The following CARMIL1 variants were observed in gnomAD, a reference collection of about 807,000 sequenced individuals.
CARMIL1 encodes the protein F-actin-uncapping protein LRRC16A.
Under a neutral mutation model 177.1 loss-of-function variants are expected in CARMIL1, and 90 were observed. The ratio of observed to expected loss-of-function variants is 0.51; its 90% CI spans 0.43 to 0.61. The LOEUF is 0.61. CARMIL1 is among the 20% of genes least tolerant of loss of function. The probability of loss-of-function intolerance (pLI) is 0.00; values close to 1 mark genes in which losing one functional copy is unlikely to be tolerated. For synonymous variants in CARMIL1, 577 were observed against 606.2 expected, an observed-to-expected ratio of 0.95 and a Z score of 0.71; for missense variants, 1,380 against 1,667.0, an observed-to-expected ratio of 0.83 and a Z score of 3.00.
chr6:25,520,127 T>C lies in CARMIL1; in HGVS notation c.1875-117T>C, dbSNP rs115842311. 1.3e-3 allele frequency: 734 copies of C among 559,168 alleles called. 6 individuals carry two copies. The highest frequency in any genetic ancestry group is 9.8e-3 in the African/African-American group (524 of 53,566). The allele number at this position is 559,168 out of a possible 1,614,324, so 34.6% of individuals were successfully genotyped here. A position where few individuals can be genotyped will look rare whatever the true frequency, so the allele number is the denominator to read the frequency against. ...CTAGGGGCCTAAATGGTCTGGTGGTTTGGAATTTTCTAAGCTACTCTTGCA... is the reference window on the plus strand; with the variant it reads ...CTAGGGGCCTAAATGGTCTGGTGGTCTGGAATTTTCTAAGCTACTCTTGCA... On this transcript the variant is annotated intron_variant, in intron 22 of 36. Coordinates refer to ENST00000329474, the MANE Select transcript of CARMIL1 (RefSeq NM_017640.6).
intron 4 of CARMIL1, among the ~76,000 whole-genome samples, chr6:25,434,405 G>A (rs1421312001): frequency 6.6e-6 from 1 of 151,704 alleles, no homozygotes; most frequent in Non-Finnish European, 1.5e-5. Context: ...GACATCTCCA[G>A]CAATTAATTA....
chr6:25,582,242 TC>T (rs1386731701), intron 31 of CARMIL1, among the ~76,000 whole-genome samples: 1 of 152,196 alleles, frequency 6.6e-6, no homozygotes, highest in African/African-American at 2.4e-5. Flanking sequence ...TTTCAGCAGT[TC>T]CTTGACACAG....
chr6:25,519,295 A>G (rs1306327812), intron 22 of CARMIL1, among the ~76,000 whole-genome samples: 2 of 152,204 alleles, frequency 1.3e-5, no homozygotes, highest in African/African-American at 4.8e-5. Context: ...CCGAGGTGAA[A>G]TTGAGCTCTT....
In CARMIL1 at chr6:25,613,678, T is replaced by A. The variant is rs1964805; in HGVS notation, c.3979+3497T>A. On this transcript the variant is annotated intron_variant, in intron 36 of 36. Transcript: ENST00000329474. The stretch of plus-strand genomic sequence containing the variant: ...ACTCATCTCTTCCCTGGTTAATATA[T>A]TAACTTCTTATAAACATGACTTCAA... 8.9e-3 allele frequency among the ~76,000 whole-genome samples: 1,349 copies of A among 152,354 alleles called. 15 individuals are homozygous for A. Among genetic ancestry groups the A allele is most frequent in the African/African-American group, 0.029 (1,219 of 41,572 alleles).
At chr6:25,535,179 T>C (rs553303234) in intron 24 of CARMIL1, among the ~76,000 whole-genome samples, 1 of 152,256 alleles carries the variant, frequency 6.6e-6, no homozygotes, top group Admixed American at 6.5e-5. Flanking sequence ...CAGTCCACTC[T>C]TAGTTACAAT....
At chr6:25,551,187 G>A in intron 27 of CARMIL1, 102 bp downstream of exon 27, 1 of 590,054 alleles carries the variant, frequency 1.7e-6, no homozygotes, top group Admixed American at 3.3e-5. Flanking sequence ...TATATAATGT[G>A]TTTAGGCATG....
chr6:25,280,466 G>A (rs1474344463), intron 1 of CARMIL1, among the ~76,000 whole-genome samples: 1 of 152,138 alleles, frequency 6.6e-6, no homozygotes, highest in Non-Finnish European at 1.5e-5. Flanking sequence ...GAAATAGAGG[G>A]TTAATGATAA....
At chr6:25,341,130 T>C (rs1163394464) in intron 2 of CARMIL1, among the ~76,000 whole-genome samples, 1 of 149,608 alleles carries the variant, frequency 6.7e-6, no homozygotes, top group Non-Finnish European at 1.5e-5. Flanking sequence ...AAGTAGATGG[T>C]ATTATTATTG....
At chr6:25,287,748 A>G (rs1442026654) in intron 2 of CARMIL1, among the ~76,000 whole-genome samples, 1 of 152,196 alleles carries the variant, frequency 6.6e-6, no homozygotes, top group Non-Finnish European at 1.5e-5. Context: ...TGGGATTCGA[A>G]CCCAGCTCTG....
chr6:25,570,019 G>A (rs1811928469), intron 29 of CARMIL1, among the ~76,000 whole-genome samples: 1 of 151,864 alleles, frequency 6.6e-6, no homozygotes, highest in East Asian at 1.9e-4. Context: ...TGTGGCCCAG[G>A]CTGGAGTGCA....
intron 2 of CARMIL1, among the ~76,000 whole-genome samples, chr6:25,309,518 T>C (rs540110272): frequency 6.6e-6 from 1 of 151,816 alleles, no homozygotes. Flanking sequence ...CCTCTTCCCT[T>C]TAACACTTAT....
intron 31 of CARMIL1, among the ~76,000 whole-genome samples, chr6:25,586,115 C>G (rs570544914): frequency 1.3e-5 from 2 of 149,814 alleles, no homozygotes; most frequent in Non-Finnish European, 3.0e-5. Flanking sequence ...ATCTCCCTAA[C>G]GGGACGGCTG....
intron 2 of CARMIL1, among the ~76,000 whole-genome samples, chr6:25,339,283 A>C (rs1786649094): frequency 1.3e-5 from 2 of 152,238 alleles, no homozygotes; most frequent in South Asian, 4.1e-4. Flanking sequence ...GACATTGCAG[A>C]TAACTAGTTG....
intron 4 of CARMIL1, among the ~76,000 whole-genome samples, chr6:25,434,001 G>C (rs1000086075): frequency 6.6e-6 from 1 of 152,128 alleles, no homozygotes; most frequent in African/African-American, 2.4e-5. Context: ...GATAAAGTAA[G>C]AACAGGAAGT....
chr6:25,560,587 G>A (rs925065835), intron 29 of CARMIL1, among the ~76,000 whole-genome samples: 1 of 152,128 alleles, frequency 6.6e-6, no homozygotes, highest in Non-Finnish European at 1.5e-5. Context: ...AATACCTTCT[G>A]TTTAACAAAT....
At chr6:25,304,714 A>G (rs1156484351) in intron 2 of CARMIL1, among the ~76,000 whole-genome samples, 1 of 152,210 alleles carries the variant, frequency 6.6e-6, no homozygotes, top group African/African-American at 2.4e-5. Flanking sequence ...CCTGCTATAG[A>G]ACATTCAAGT....
At chr6:25,431,734 T>G (rs1796808178) in intron 4 of CARMIL1, among the ~76,000 whole-genome samples, 1 of 152,186 alleles carries the variant, frequency 6.6e-6, no homozygotes, top group Non-Finnish European at 1.5e-5. Flanking sequence ...AAAATTGGTC[T>G]TACCACACTT....
At chr6:25,459,266 C>CTTTCTTTCTTTCTTTT in intron 8 of CARMIL1, among the ~76,000 whole-genome samples, 9 of 73,758 alleles carry the variant, frequency 1.2e-4, no homozygotes, top group Admixed American at 1.6e-4. Flanking sequence ...TTCTTTCTTT[C>CTTTCTTTCTTTCTTTT]TTTTTTTTTT....
At chr6:25,427,801 T>C (rs1256674964) in intron 4 of CARMIL1, among the ~76,000 whole-genome samples, 1 of 152,218 alleles carries the variant, frequency 6.6e-6, no homozygotes, top group Non-Finnish European at 1.5e-5. Context: ...ATTTCCCTAA[T>C]GACAGAACAT....
Sources: gnomAD v4.1 joint callset for allele counts (sites outside exome capture counted in the v4.1 genomes callset) on GRCh38, gnomAD v4.1.1 for gene constraint, MANE v1.5 for transcripts, NCBI Gene and HGNC (gene_info 2026-07-23, HGNC 2026-07-21) for gene names.